The following NLGN1 variants were observed in gnomAD, a reference collection of about 807,000 sequenced individuals.
The protein encoded by NLGN1 is neuroligin-1.
Under a neutral mutation model 65.5 loss-of-function variants are expected in NLGN1, and 12 were observed. That is an observed-to-expected ratio of 0.18 (90% CI 0.12 to 0.30). The LOEUF (loss-of-function observed/expected upper bound fraction) is 0.30, where lower values mean the gene tolerates loss of function less well. Ranked by LOEUF, NLGN1 falls within the 10% of genes least tolerant of loss-of-function variation. NLGN1 has a pLI of 1.00. For synonymous variants in NLGN1, 350 were observed against 359.5 expected (o/e 0.97, Z 0.30); for missense variants, 750 against 1,007.1 (o/e 0.74, Z 3.46).
chr3:174,208,492 G>A (rs575623487), intron 4 of NLGN1, among the ~76,000 whole-genome samples: 1 of 152,234 alleles, frequency 6.6e-6, no homozygotes, highest in African/African-American at 2.4e-5. Context: ...CATTACTTTA[G>A]AAAGCTAAGT....
At chr3:173,539,985 T>A (rs1448742473) in intron 2 of NLGN1, among the ~76,000 whole-genome samples, 1 of 151,262 alleles carries the variant, frequency 6.6e-6, no homozygotes, top group Non-Finnish European at 1.5e-5. Flanking sequence ...GGCAACTTTA[T>A]AATGGTTTAC....
chr3:174,256,355 A>G (rs1383246211), intron 4 of NLGN1, among the ~76,000 whole-genome samples: 1 of 152,154 alleles, frequency 6.6e-6, no homozygotes, highest in Non-Finnish European at 1.5e-5. Context: ...TTCTCAGACA[A>G]TATTTGAAAT....
intron 3 of NLGN1, among the ~76,000 whole-genome samples, chr3:173,634,233 T>C (rs569950780): frequency 3.3e-5 from 5 of 152,174 alleles, no homozygotes; most frequent in Admixed American, 1.3e-4. Flanking sequence ...CTAGACAATT[T>C]GTTAAGAGTA....
At chr3:174,072,805 G>A (rs1740171703) in intron 4 of NLGN1, among the ~76,000 whole-genome samples, 1 of 152,118 alleles carries the variant, frequency 6.6e-6, no homozygotes, top group Non-Finnish European at 1.5e-5. Flanking sequence ...TGAGTTCATA[G>A]CAGAGTAGCA....
intron 2 of NLGN1, among the ~76,000 whole-genome samples, chr3:173,492,484 T>A (rs1268920245): frequency 6.6e-6 from 1 of 151,782 alleles, no homozygotes. Context: ...AAGAAAAAAA[T>A]GAATGTTATA....
chr3:173,734,225 C>T (rs1030532958), intron 3 of NLGN1, among the ~76,000 whole-genome samples: 1 of 151,730 alleles, frequency 6.6e-6, no homozygotes, highest in African/African-American at 2.4e-5. Context: ...GAATTATGAT[C>T]ATGTTAAGGC....
At chr3:173,972,277 T>A (rs573569491) in intron 4 of NLGN1, among the ~76,000 whole-genome samples, 2 of 152,084 alleles carry the variant, frequency 1.3e-5, no homozygotes, top group Non-Finnish European at 2.9e-5. Flanking sequence ...GTTTTGATTA[T>A]TCTTTAGGGC....
intron 3 of NLGN1, among the ~76,000 whole-genome samples, chr3:173,741,420 T>C (rs1456132698): frequency 1.3e-5 from 2 of 152,134 alleles, no homozygotes; most frequent in African/African-American, 4.8e-5. Flanking sequence ...CTGATAGTCT[T>C]TGAAGTGGCA....
intron 4 of NLGN1, among the ~76,000 whole-genome samples, chr3:174,152,281 CCTT>C (rs1385905146): frequency 2.0e-5 from 3 of 151,988 alleles, no homozygotes; most frequent in African/African-American, 4.8e-5. Flanking sequence ...ATATGTCTAT[CCTT>C]CTATATACAT....
At chr3:173,946,932 C>T (rs906483121) in intron 4 of NLGN1, among the ~76,000 whole-genome samples, 1 of 152,154 alleles carries the variant, frequency 6.6e-6, no homozygotes, top group Non-Finnish European at 1.5e-5. Flanking sequence ...ATCAGAAAAC[C>T]TGGTCCTCCA....
At chr3:173,837,604 A>T (rs1294565989) in intron 4 of NLGN1, among the ~76,000 whole-genome samples, 2 of 152,228 alleles carry the variant, frequency 1.3e-5, no homozygotes, top group Non-Finnish European at 2.9e-5. Context: ...GCAGGGAAAA[A>T]TAAAACCAGG....
At chr3:173,910,912 T>C (rs186645991) in intron 4 of NLGN1, 15 of 152,328 alleles carry the variant, frequency 9.8e-5, no homozygotes, top group Admixed American at 8.5e-4. Context: ...AAACAAATTA[T>C]TTGAAATGCT....
intron 3 of NLGN1, among the ~76,000 whole-genome samples, chr3:173,677,486 A>G (rs1164338730): frequency 6.6e-6 from 1 of 152,010 alleles, no homozygotes; most frequent in African/African-American, 2.4e-5. Context: ...TTGCCTATAA[A>G]TTATTGAGGA....
intron 3 of NLGN1, among the ~76,000 whole-genome samples, chr3:173,625,892 A>G (rs1343977328): frequency 1.3e-5 from 2 of 152,104 alleles, no homozygotes; most frequent in South Asian, 2.1e-4. Flanking sequence ...CTGTTGGGGT[A>G]TGGACTTTGT....
At chr3:174,046,235 T>C (rs1461171210) in intron 4 of NLGN1, among the ~76,000 whole-genome samples, 2 of 152,184 alleles carry the variant, frequency 1.3e-5, no homozygotes, top group East Asian at 3.8e-4. Flanking sequence ...AAAATGACAA[T>C]AGTATTTCCT....
At chr3:173,560,750 A>T (rs1266088907) in intron 2 of NLGN1, among the ~76,000 whole-genome samples, 1 of 152,192 alleles carries the variant, frequency 6.6e-6, no homozygotes, top group Non-Finnish European at 1.5e-5. Context: ...GTAAAAATCT[A>T]TGAAAGCACC....
chr3:174,239,282 T>A (rs923533476), intron 4 of NLGN1, among the ~76,000 whole-genome samples: 4 of 152,148 alleles, frequency 2.6e-5, no homozygotes, highest in Non-Finnish European at 5.9e-5. Context: ...TTGGCCAAGC[T>A]GGTCTCAAAC....
At chr3:174,290,822 T>G (rs527387691), downstream of NLGN1, among the ~76,000 whole-genome samples, 435 of 151,000 alleles carry the variant, frequency 2.9e-3, no homozygotes, top group African/African-American at 0.01. Flanking sequence ...AGGAGAGGAC[T>G]GAAAAATATA....
At chr3:173,549,114 G>A (rs1740415376) in intron 2 of NLGN1, among the ~76,000 whole-genome samples, 1 of 151,838 alleles carries the variant, frequency 6.6e-6, no homozygotes, top group Non-Finnish European at 1.5e-5. Context: ...AAGTACTGAA[G>A]ACTACAAATA....
Sources: allele counts gnomAD v4.1 joint callset (sites outside exome capture counted in the v4.1 genomes callset), GRCh38; gene constraint gnomAD v4.1.1; transcripts MANE v1.5; gene names NCBI Gene and HGNC (gene_info 2026-07-23, HGNC 2026-07-21).